Variants in ARMH3 observed in about 807,000 individuals in gnomAD.
ARMH3 encodes armadillo-like helical domain-containing protein 3.
In ARMH3, 60 loss-of-function variants were observed where a neutral mutation model predicts 99.1. That is an observed-to-expected ratio of 0.61 (90% confidence interval 0.49 to 0.75). The LOEUF is 0.75. Among genes scored for constraint, ARMH3 ranks in the 30% least tolerant of loss-of-function variants. ARMH3 has a pLI of 0.00. For synonymous variants in ARMH3, 285 were observed against 292.8 expected (o/e 0.97, Z 0.27); for missense variants, 679 against 843.1 (o/e 0.81, Z 2.41).
intron 23 of ARMH3, among the ~76,000 whole-genome samples, chr10:101,908,883 G>C (rs890449033): frequency 6.6e-6 from 1 of 151,436 alleles, no homozygotes; most frequent in Admixed American, 6.6e-5. Context: ...GGCTGGTCTC[G>C]CACTCCTGAC....
In ARMH3 at chr10:101,949,986, TA is replaced by T. The variant is rs770495658; in HGVS notation, c.1705+6610del. Among the ~76,000 whole-genome samples the T allele has an allele frequency of 3.3e-5, 5 of 152,088 alleles. No individual in the cohort carries two copies. The South Asian group carries it at 8.3e-4, about 25-fold the overall frequency. On this transcript the variant is annotated intron_variant, in intron 22 of 25. Coordinates refer to ENST00000370033, the MANE Select transcript of ARMH3 (RefSeq NM_024541.3). ...ATTAATGACAACAATTGTCAGGAAA[TA>T]AAAGGGAATTTCCTCAACCAGATAG...
intron 22 of ARMH3, 100 bp downstream of exon 22, chr10:101,956,497 C>T (rs1590081716): frequency 1.4e-6 from 2 of 1,450,912 alleles, no homozygotes; most frequent in Non-Finnish European, 9.4e-7. Flanking sequence ...CCACACAGGG[C>T]ACCAAACAAC....
At chr10:101,960,755 T>G (rs1275891969) in intron 20 of ARMH3, among the ~76,000 whole-genome samples, 1 of 151,764 alleles carries the variant, frequency 6.6e-6, no homozygotes, top group Non-Finnish European at 1.5e-5. Context: ...CCAGGCACGG[T>G]GGCGGGCACC....
chr10:101,912,020 G>A (rs186593152), intron 23 of ARMH3, among the ~76,000 whole-genome samples: 7 of 150,096 alleles, frequency 4.7e-5, no homozygotes, highest in Non-Finnish European at 8.9e-5. Flanking sequence ...GCAGCAGAGC[G>A]AGACTCCATC....
At chr10:102,051,485 A>G (rs897315478) in intron 1 of ARMH3, among the ~76,000 whole-genome samples, 1 of 151,818 alleles carries the variant, frequency 6.6e-6, no homozygotes, top group Non-Finnish European at 1.5e-5. Flanking sequence ...AAAAAAAAAA[A>G]AAAGAAAAAG....
At chr10:102,051,474 G>GAAAAAA (rs771899987) in intron 1 of ARMH3, among the ~76,000 whole-genome samples, 1 of 129,656 alleles carries the variant, frequency 7.7e-6, no homozygotes. Flanking sequence ...CTCCATTTCG[G>GAAAAAA]AAAAAAAAAA....
intron 24 of ARMH3, among the ~76,000 whole-genome samples, chr10:101,876,326 G>C (rs1304340320): frequency 6.6e-6 from 1 of 151,022 alleles, no homozygotes; most frequent in East Asian, 1.9e-4. Context: ...CCAACCAAGA[G>C]GCTGACATCT....
chr10:101,930,633 C>A (rs1341002603), intron 23 of ARMH3, among the ~76,000 whole-genome samples: 3 of 152,122 alleles, frequency 2.0e-5, no homozygotes, highest in African/African-American at 7.2e-5. Flanking sequence ...AAACTATTTT[C>A]CCATCAATGA....
In ARMH3 at chr10:102,025,190, C is replaced by T; in HGVS notation, c.473G>A (p.Ser158Asn). 2.5e-6 allele frequency: 4 copies of T among 1,613,928 alleles called. No homozygotes were observed. Among genetic ancestry groups the T allele is most frequent in the Middle Eastern group, 1.7e-4 (1 of 6,060 alleles). The change falls in exon 6 of 26, where the codon AGT (serine) becomes AAT (asparagine). Residue 158 changes from serine (S) to asparagine (N), a missense_variant. By Grantham distance (46) the Ser-to-Asn change is conservative. Transcript: ENST00000370033. ...LCAEGSESLK[S>N]LCLKLLLCLV... ...GCAAAGGAGAAGTTTCAGACATAAA[C>T]TCTTCAGACTTTCAGAACCTTCTGC... is the stretch of plus-strand genomic sequence containing the variant.
chr10:101,937,532 A>AG (rs1844041733), intron 23 of ARMH3, among the ~76,000 whole-genome samples: 2 of 151,992 alleles, frequency 1.3e-5, no homozygotes, highest in South Asian at 4.2e-4. Flanking sequence ...AAAAAAAAAA[A>AG]AAAGAAGAAG....
At chr10:101,996,520 C>T (rs1483704395) in intron 15 of ARMH3, among the ~76,000 whole-genome samples, 5 of 152,152 alleles carry the variant, frequency 3.3e-5, no homozygotes, top group African/African-American at 7.2e-5. Context: ...CCCGATATAG[C>T]CAAAGAGTAA....
At chr10:101,850,579 C>G (rs536204406) in intron 24 of ARMH3, among the ~76,000 whole-genome samples, 1 of 152,058 alleles carries the variant, frequency 6.6e-6, no homozygotes, top group South Asian at 2.1e-4. Context: ...TGTGTGCCAT[C>G]ATGCCCGGCT....
intron 22 of ARMH3, chr10:101,952,567 A>G (rs1477303869): frequency 6.6e-6 from 1 of 152,168 alleles, no homozygotes; most frequent in Non-Finnish European, 1.5e-5. Context: ...GAAAAGAAAG[A>G]CATCTCATAC....
Position 102,017,734 on chromosome 10 carries a change from T to C in ARMH3, c.670-3710A>G, listed in dbSNP as rs185337254. Among the ~76,000 whole-genome samples, 188 of 152,252 alleles carry C rather than the reference T, an allele frequency of 1.2e-3. 1 individual carries two copies. Among genetic ancestry groups the C allele is most frequent in the Non-Finnish European group, 1.9e-3 (132 of 68,022 alleles). On this transcript the variant is annotated intron_variant, in intron 8 of 25. Coordinates refer to ENST00000370033, the MANE Select transcript of ARMH3 (RefSeq NM_024541.3). The stretch of plus-strand genomic sequence containing the variant: ...CAGTAAAATAGGTGTTGGGAATAAA[T>C]TTCATATTTATTAGGAGCTCTACCC...
intron 12 of ARMH3, 67 bp downstream of exon 12, chr10:102,009,910 C>T (rs760967858): frequency 7.5e-5 from 108 of 1,436,408 alleles, no homozygotes; most frequent in Non-Finnish European, 5.6e-5. Context: ...ACACTGCACA[C>T]TCTCATATCC....
intron 8 of ARMH3, among the ~76,000 whole-genome samples, chr10:102,020,010 C>T (rs566117212): frequency 4.8e-4 from 72 of 151,410 alleles, no homozygotes; most frequent in African/African-American, 1.7e-3. Flanking sequence ...CACGTGAGGT[C>T]AGGAGTTTGA....
intron 23 of ARMH3, chr10:101,913,062 C>T (rs1241325961): frequency 6.6e-6 from 1 of 152,384 alleles, no homozygotes; most frequent in African/African-American, 2.4e-5. Context: ...CTCACTGCAG[C>T]CTTGAACTCC....
At chr10:101,939,783 C>G in intron 23 of ARMH3, 80 bp downstream of exon 23, 1 of 1,248,384 alleles carries the variant, frequency 8.0e-7, no homozygotes, top group Non-Finnish European at 1.2e-6. Flanking sequence ...TAGTAGTGTT[C>G]AACACACTTT....
intron 11 of ARMH3, 144 bp downstream of exon 11, chr10:102,011,579 C>T (rs2066628853): frequency 1.7e-6 from 1 of 578,062 alleles, no homozygotes; most frequent in South Asian, 2.9e-5. Context: ...AAATACACTC[C>T]CCAAGAAAAT....
Sources: gnomAD v4.1 joint callset for allele counts (sites outside exome capture counted in the v4.1 genomes callset) on GRCh38, gnomAD v4.1.1 for gene constraint, MANE v1.5 for transcripts, NCBI Gene and HGNC (gene_info 2026-07-23, HGNC 2026-07-21) for gene names.